Variants in GPC6 observed in about 807,000 individuals in gnomAD.
GPC6 encodes glypican-6.
A neutral mutation model predicts 55.2 loss-of-function variants in GPC6; 14 were observed. That is an observed-to-expected ratio of 0.25 (90% CI 0.17 to 0.40). The LOEUF is 0.40. Among genes scored for constraint, GPC6 ranks in the 10% least tolerant of loss-of-function variants. The probability of loss-of-function intolerance (pLI) is 1.00; values close to 1 mark genes in which losing one functional copy is unlikely to be tolerated. For missense variants in GPC6, 641 were observed against 708.5 expected (o/e 0.90, Z 1.08); for synonymous variants, 278 against 259.6 (o/e 1.07, Z -0.68).
intron 2 of GPC6, among the ~76,000 whole-genome samples, chr13:93,726,544 C>G (rs761233738): frequency 2.6e-5 from 4 of 151,946 alleles, no homozygotes; most frequent in Non-Finnish European, 4.4e-5. Context: ...ATTTCATAAC[C>G]CTTCTAAGGT....
At chr13:93,881,792 C>T (rs2140310435) in intron 3 of GPC6, among the ~76,000 whole-genome samples, 1 of 152,220 alleles carries the variant, frequency 6.6e-6, no homozygotes, top group Non-Finnish European at 1.5e-5. Flanking sequence ...TCATTCTAGC[C>T]TCAATGCCTT....
chr13:94,401,503 G>A (rs751768855), intron 8 of GPC6, among the ~76,000 whole-genome samples: 4 of 152,008 alleles, frequency 2.6e-5, no homozygotes, highest in Non-Finnish European at 4.4e-5. Flanking sequence ...ACCCTGGGTC[G>A]ACATACTCTG....
At chr13:94,171,373 C>T (rs1888563715) in intron 4 of GPC6, among the ~76,000 whole-genome samples, 1 of 152,154 alleles carries the variant, frequency 6.6e-6, no homozygotes, top group South Asian at 2.1e-4. Context: ...TGGATGTTCT[C>T]AAATGAAACA....
intron 3 of GPC6, among the ~76,000 whole-genome samples, chr13:94,022,233 C>T (rs1375538684): frequency 6.6e-6 from 1 of 151,908 alleles, no homozygotes; most frequent in Non-Finnish European, 1.5e-5. Flanking sequence ...CTTATATATC[C>T]CCATTTCCTG....
At chr13:94,252,224 A>G (rs1282367232) in intron 4 of GPC6, among the ~76,000 whole-genome samples, 1 of 152,172 alleles carries the variant, frequency 6.6e-6, no homozygotes, top group Non-Finnish European at 1.5e-5. Context: ...TTGATTTAGA[A>G]GCAGAACTGT....
At chr13:94,105,305 G>A (rs1202988321) in intron 4 of GPC6, among the ~76,000 whole-genome samples, 13 of 152,186 alleles carry the variant, frequency 8.5e-5, no homozygotes, top group Non-Finnish European at 1.5e-5. Flanking sequence ...GCTGCAGTGA[G>A]CCATGATAGA....
intron 2 of GPC6, among the ~76,000 whole-genome samples, chr13:93,716,022 T>C (rs1036024647): frequency 6.6e-6 from 1 of 151,582 alleles, no homozygotes; most frequent in African/African-American, 2.4e-5. Flanking sequence ...GAGCTGAAAC[T>C]TTCGTATCCC....
At chr13:94,249,277 G>A (rs1019838201) in intron 4 of GPC6, among the ~76,000 whole-genome samples, 6 of 152,146 alleles carry the variant, frequency 3.9e-5, no homozygotes, top group African/African-American at 1.4e-4. Context: ...GATAACAATA[G>A]AGTGTAATCA....
At chr13:93,684,272 G>GCC (rs1881959654) in intron 2 of GPC6, among the ~76,000 whole-genome samples, 1 of 151,956 alleles carries the variant, frequency 6.6e-6, no homozygotes, top group East Asian at 1.9e-4. Context: ...TGCAACCTGC[G>GCC]CCTCCTGGGT....
intron 2 of GPC6, among the ~76,000 whole-genome samples, chr13:93,617,978 T>G (rs941543553): frequency 6.6e-6 from 1 of 152,106 alleles, no homozygotes; most frequent in African/African-American, 2.4e-5. Flanking sequence ...GAGATTTGTA[T>G]TTCCCATAAA....
At chr13:93,683,114 A>G (rs1881915118) in intron 2 of GPC6, among the ~76,000 whole-genome samples, 1 of 143,930 alleles carries the variant, frequency 6.9e-6, no homozygotes, top group African/African-American at 2.4e-5. Flanking sequence ...ATTTATCATT[A>G]TTAAGTGGTT....
At chr13:93,805,369 T>C (rs1886512522) in intron 2 of GPC6, among the ~76,000 whole-genome samples, 1 of 152,194 alleles carries the variant, frequency 6.6e-6, no homozygotes. Flanking sequence ...CCAAGTCATC[T>C]TTCAGTTAAG....
chr13:94,271,972 T>G (rs1284354663), intron 4 of GPC6, among the ~76,000 whole-genome samples: 1 of 152,206 alleles, frequency 6.6e-6, no homozygotes. Context: ...CAATCCACCT[T>G]TTTCTTTGGG....
chr13:93,566,352 T>C (rs2139466488), intron 2 of GPC6, among the ~76,000 whole-genome samples: 1 of 152,310 alleles, frequency 6.6e-6, no homozygotes, highest in South Asian at 2.1e-4. Flanking sequence ...TAAAAAGCAT[T>C]TTTAATGACA....
intron 3 of GPC6, among the ~76,000 whole-genome samples, chr13:94,012,253 C>A (rs1019304927): frequency 6.6e-6 from 1 of 152,148 alleles, no homozygotes; most frequent in Non-Finnish European, 1.5e-5. Context: ...TGATATTTCT[C>A]TTATTTTTTT....
At chr13:93,284,724 G>A (rs1289884884) in intron 1 of GPC6, among the ~76,000 whole-genome samples, 1 of 152,138 alleles carries the variant, frequency 6.6e-6, no homozygotes, top group Non-Finnish European at 1.5e-5. Flanking sequence ...TATTCAGTGA[G>A]TGCCTACTGT....
At chr13:93,821,196 G>T (rs964365750) in intron 2 of GPC6, among the ~76,000 whole-genome samples, 10 of 151,960 alleles carry the variant, frequency 6.6e-5, no homozygotes, top group South Asian at 2.1e-4. Flanking sequence ...TTTGTTGTTG[G>T]TTTTTTTCTT....
chr13:94,316,946 A>G (rs1876572203), intron 6 of GPC6, among the ~76,000 whole-genome samples: 1 of 152,190 alleles, frequency 6.6e-6, no homozygotes. Context: ...TGTCTCTTTC[A>G]TACATCATCA....
chr13:93,394,504 C>T (rs1187070793), intron 1 of GPC6, among the ~76,000 whole-genome samples: 1 of 152,214 alleles, frequency 6.6e-6, no homozygotes, highest in Admixed American at 6.5e-5. Flanking sequence ...TCATCAGCCC[C>T]TGATAGTTCC....
Sources: allele counts gnomAD v4.1 joint callset (sites outside exome capture counted in the v4.1 genomes callset), GRCh38; gene constraint gnomAD v4.1.1; transcripts MANE v1.5; gene names NCBI Gene and HGNC (gene_info 2026-07-23, HGNC 2026-07-21).